Variants in POLK observed in about 807,000 individuals in gnomAD.
The protein encoded by POLK is polymerase (DNA directed) kappa.
POLK carries 76 observed loss-of-function variants against 94.0 expected under a neutral mutation model. The observed-to-expected ratio is 0.81, with a 90% confidence interval of 0.67 to 0.98. The LOEUF (loss-of-function observed/expected upper bound fraction) is 0.98, where lower values mean the gene tolerates loss of function less well. Among genes scored for constraint, POLK ranks in the 50% least tolerant of loss-of-function variants. The pLI is 0.00. For missense variants in POLK, 954 were observed against 1,010.1 expected (o/e 0.94, Z 0.75); for synonymous variants, 349 against 325.4 (o/e 1.07, Z -0.78).
chr5:75,532,534 C>G (rs1262027153), intron 1 of POLK, among the ~76,000 whole-genome samples: 1 of 152,000 alleles, frequency 6.6e-6, no homozygotes, highest in Non-Finnish European at 1.5e-5. Context: ...GTGAATAGCG[C>G]TGCAATGAAC....
intron 1 of POLK, among the ~76,000 whole-genome samples, chr5:75,518,460 T>G (rs1353532432): frequency 6.6e-6 from 1 of 152,216 alleles, no homozygotes; most frequent in Non-Finnish European, 1.5e-5. Flanking sequence ...TCTTTGTATT[T>G]CTGTGGTCTC....
At chr5:75,581,678 CTTTTT>C in intron 7 of POLK, 7 of 306,702 alleles carry the variant, frequency 2.3e-5, no homozygotes, top group East Asian at 1.5e-4. Context: ...ACGTTTCTTT[CTTTTT>C]TTTTTTTTTT....
intron 1 of POLK, among the ~76,000 whole-genome samples, chr5:75,520,207 CTT>C: frequency 6.6e-6 from 1 of 152,200 alleles, no homozygotes; most frequent in African/African-American, 2.4e-5. Flanking sequence ...AAAATTTTGA[CTT>C]TTTATTGTCT....
intron 4 of POLK, 52 bp from the exon 5 acceptor site, chr5:75,573,686 T>TGCATTG: frequency 6.9e-7 from 1 of 1,452,684 alleles, no homozygotes; most frequent in Non-Finnish European, 9.7e-7. Flanking sequence ...CATTGATCAA[T>TGCATTG]ATGTCCATTT....
At chr5:75,555,812 G>A (rs370885049) in intron 3 of POLK, among the ~76,000 whole-genome samples, 128 of 152,256 alleles carry the variant, frequency 8.4e-4, no homozygotes, top group African/African-American at 3.0e-3. Context: ...GCCTTCCAAA[G>A]TTCTGGGATT....
intron 1 of POLK, among the ~76,000 whole-genome samples, chr5:75,544,880 C>T (rs937674946): frequency 5.3e-5 from 8 of 152,136 alleles, no homozygotes; most frequent in South Asian, 4.2e-4. Flanking sequence ...GTGTGATAGT[C>T]GAAGGGAAAA....
At chr5:75,562,238 G>C (rs530488782) in intron 3 of POLK, among the ~76,000 whole-genome samples, 2 of 152,208 alleles carry the variant, frequency 1.3e-5, no homozygotes, top group East Asian at 3.9e-4. Context: ...CTTGTAATTT[G>C]TATTCCTAGG....
chr5:75,511,786 A>G, exon 1 of POLK: 1 of 1,551,454 alleles, frequency 6.4e-7, no homozygotes, highest in Non-Finnish European at 8.7e-7. Context: ...GACGACGGGT[A>G]GAAAAGCAGG....
chr5:75,520,783 T>TTC (rs1378750228), intron 1 of POLK, among the ~76,000 whole-genome samples: 1 of 152,216 alleles, frequency 6.6e-6, no homozygotes, highest in African/African-American at 2.4e-5. Flanking sequence ...CCTTTAGTGT[T>TTC]TCTTGTAAAA....
At chr5:75,552,570 G>A (rs1004589900) in exon 3 of POLK, 1 of 1,609,742 alleles carries the variant, frequency 6.2e-7, no homozygotes, top group South Asian at 1.1e-5. Flanking sequence ...CCAGCCAACA[G>A]CTAAGAAAAG....
At chr5:75,545,956 C>T (rs1406292671) in intron 1 of POLK, among the ~76,000 whole-genome samples, 3 of 152,104 alleles carry the variant, frequency 2.0e-5, no homozygotes, top group East Asian at 1.9e-4. Context: ...CATGTAGTGC[C>T]GTAAGCATAG....
chr5:75,520,076 A>G (rs1768497364), intron 1 of POLK, among the ~76,000 whole-genome samples: 1 of 152,206 alleles, frequency 6.6e-6, no homozygotes, highest in South Asian at 2.1e-4. Context: ...GGTTTATTAA[A>G]AAGTTTTAGA....
intron 8 of POLK, among the ~76,000 whole-genome samples, chr5:75,583,913 A>G (rs1373636453): frequency 1.3e-5 from 2 of 152,194 alleles, no homozygotes; most frequent in African/African-American, 4.8e-5. Flanking sequence ...TTTTCTGCAT[A>G]TATACACTAT....
At chr5:75,578,112 A>G (rs988964654) in intron 6 of POLK, among the ~76,000 whole-genome samples, 4 of 152,144 alleles carry the variant, frequency 2.6e-5, no homozygotes, top group African/African-American at 9.7e-5. Flanking sequence ...ATGTGTTTTA[A>G]AAGCTTTACA....
intron 3 of POLK, among the ~76,000 whole-genome samples, chr5:75,567,777 G>T (rs1771352369): frequency 6.6e-6 from 1 of 152,188 alleles, no homozygotes; most frequent in Non-Finnish European, 1.5e-5. Flanking sequence ...GCTGATCCTT[G>T]AAGGCTTGTG....
chr5:75,557,869 A>G lies in POLK; in HGVS notation c.255+5278A>G, dbSNP rs373820442. ...TAGTGGGATGACCTCAGCTCACTGC[A>G]TCTTCCTCTTCCTGGGTTCAAGCAA... On this transcript the variant is annotated intron_variant, in intron 3 of 14. Transcript: ENST00000241436. Among the ~76,000 whole-genome samples the G allele has an allele frequency of 8.5e-4, 130 of 152,240 alleles. 1 individual carries two copies. The highest frequency in any genetic ancestry group is 2.7e-3 in the South Asian group (13 of 4,820).
downstream of POLK, among the ~76,000 whole-genome samples, chr5:75,601,647 T>C (rs560612242): frequency 6.6e-6 from 1 of 152,314 alleles, no homozygotes; most frequent in South Asian, 2.1e-4. Context: ...TCTTCTGCCC[T>C]TGAACATCAG....
chr5:75,559,518 G>GTTTTTTTTTTTTTTT (rs1770850714), intron 3 of POLK, among the ~76,000 whole-genome samples: 1 of 70,158 alleles, frequency 1.4e-5, no homozygotes, highest in South Asian at 4.8e-4. Context: ...TTTTTGTTTT[G>GTTTTTTTTTTTTTTT]TTTTGTTTTT....
chr5:75,589,893 G>C lies in POLK; in HGVS notation c.1260-451G>C, dbSNP rs142794328. The stretch of plus-strand genomic sequence containing the variant: ...TCAGCTGTCTATTAAACAACTCTGC[G>C]TAGGTTCCATGAGCCAACCCCTTAA... On this transcript the variant is annotated intron_variant, in intron 10 of 14. Transcript: ENST00000241436. Among the ~76,000 whole-genome samples, 318 of 152,194 alleles carry C rather than the reference G, an allele frequency of 2.1e-3. 1 individual carries two copies. In the East Asian group the frequency reaches 0.027, roughly 13 times the overall value.
Sources: allele counts gnomAD v4.1 joint callset (sites outside exome capture counted in the v4.1 genomes callset), GRCh38; gene constraint gnomAD v4.1.1; transcripts MANE v1.5; gene names NCBI Gene and HGNC (gene_info 2026-07-23, HGNC 2026-07-21).